The following ANK3 variants were observed in gnomAD, a reference collection of about 807,000 sequenced individuals.
ANK3 encodes ankyrin-3.
A neutral mutation model predicts 370.9 loss-of-function variants in ANK3; 57 were observed. The observed-to-expected ratio is 0.15, with a 90% CI of 0.12 to 0.19. ANK3 has a LOEUF of 0.19. ANK3 is among the 10% of genes least tolerant of loss of function. The pLI is 1.00. For missense variants in ANK3, 4,439 were observed against 5,302.1 expected (o/e 0.84, Z 5.06); for synonymous variants, 1,929 against 1,946.3 (o/e 0.99, Z 0.23).
intron 1 of ANK3, among the ~76,000 whole-genome samples, chr10:60,318,649 G>T (rs1310872715): frequency 1.3e-5 from 2 of 152,092 alleles, no homozygotes; most frequent in Non-Finnish European, 2.9e-5. Flanking sequence ...GAGGCCATTG[G>T]GGAGAGGAGG....
intron 2 of ANK3, among the ~76,000 whole-genome samples, chr10:60,464,107 A>G (rs1460505628): frequency 2.0e-5 from 3 of 152,214 alleles, no homozygotes; most frequent in Non-Finnish European, 2.9e-5. Context: ...TAAAGAAGAA[A>G]CAGCTCTAAG....
At position 60,724,083 on chromosome 10, in the gene ANK3, G is replaced by A. The variant is rs1382279297; in HGVS notation, c.57+9180C>T. On this transcript the variant is annotated intron_variant, in intron 1 of 43. Transcript: ENST00000373827. ...AAATTAGCCAGGTGTGGTGGCGGGCGCCTGTAGTCCCAGCTACTCGGGAGG... is the reference window on the plus strand; with the variant it reads ...AAATTAGCCAGGTGTGGTGGCGGGCACCTGTAGTCCCAGCTACTCGGGAGG... Among the ~76,000 whole-genome samples the A allele has an allele frequency of 4.6e-5, 6 of 129,448 alleles. 1 individual carries two copies. The highest frequency in any genetic ancestry group is 8.5e-5 in the Non-Finnish European group (5 of 59,132). The allele number at this position is 129,448 out of a possible 152,430, so 84.9% of individuals were successfully genotyped here. A position where few individuals can be genotyped will look rare whatever the true frequency, so the allele number is the denominator to read the frequency against.
chr10:60,277,508 T>C (rs766404815), intron 4 of ANK3, among the ~76,000 whole-genome samples: 2 of 152,250 alleles, frequency 1.3e-5, no homozygotes. Flanking sequence ...CACTTTTTAA[T>C]TTTCATAGCA....
intron 1 of ANK3, among the ~76,000 whole-genome samples, chr10:60,708,242 G>A (rs761483290): frequency 1.9e-4 from 29 of 152,290 alleles, no homozygotes; most frequent in Admixed American, 1.3e-3. Flanking sequence ...TTCCTTTGCT[G>A]CTGTAACAGG....
intron 1 of ANK3, among the ~76,000 whole-genome samples, chr10:60,348,158 C>T (rs1280046982): frequency 6.6e-6 from 1 of 151,894 alleles, no homozygotes; most frequent in Non-Finnish European, 1.5e-5. Flanking sequence ...CTTTAAAGGG[C>T]CAAAGGAGGC....
At chr10:60,083,871 A>G (rs2085940706) in intron 32 of ANK3, 1 of 300,658 alleles carries the variant, frequency 3.3e-6, no homozygotes, top group Admixed American at 5.1e-5. Context: ...AACTTTAAAA[A>G]TATTTAAGAA....
chr10:60,501,811 A>C (rs1459276835), intron 2 of ANK3, among the ~76,000 whole-genome samples: 2 of 151,776 alleles, frequency 1.3e-5, no homozygotes, highest in Non-Finnish European at 2.9e-5. Flanking sequence ...CCAAGTCTAC[A>C]AAAAAAAGGA....
chr10:60,398,089 T>C (rs1463308481), intron 2 of ANK3, among the ~76,000 whole-genome samples: 1 of 152,186 alleles, frequency 6.6e-6, no homozygotes, highest in Non-Finnish European at 1.5e-5. Context: ...TTGCACCTAA[T>C]GGACTCTGTG....
intron 13 of ANK3, among the ~76,000 whole-genome samples, chr10:60,199,170 T>A (rs2096633886): frequency 6.6e-6 from 1 of 152,108 alleles, no homozygotes; most frequent in Admixed American, 6.5e-5. Context: ...TCCCCTAGGG[T>A]CTTATCCCCA....
At chr10:60,305,760 C>G (rs2044892711) in intron 1 of ANK3, among the ~76,000 whole-genome samples, 1 of 152,156 alleles carries the variant, frequency 6.6e-6, no homozygotes, top group Non-Finnish European at 1.5e-5. Context: ...TCTCAAACTA[C>G]TGTCACTCAT....
At chr10:60,472,494 A>T (rs1479548346) in intron 2 of ANK3, among the ~76,000 whole-genome samples, 1 of 152,192 alleles carries the variant, frequency 6.6e-6, no homozygotes, top group Non-Finnish European at 1.5e-5. Context: ...AGTTCTGGAA[A>T]TGCTTGATTT....
chr10:60,454,621 G>T (rs762476049), intron 2 of ANK3, among the ~76,000 whole-genome samples: 2 of 152,108 alleles, frequency 1.3e-5, no homozygotes, highest in Non-Finnish European at 2.9e-5. Flanking sequence ...CCACCCTTTG[G>T]CTCTGCCTGA....
intron 1 of ANK3, among the ~76,000 whole-genome samples, chr10:60,294,431 G>C (rs2042090442): frequency 2.0e-5 from 3 of 152,108 alleles, no homozygotes; most frequent in Admixed American, 6.6e-5. Flanking sequence ...TAAAATGTTG[G>C]CCACCAGCTG....
intron 23 of ANK3, chr10:60,140,344 G>A: frequency 6.2e-7 from 1 of 1,613,690 alleles, no homozygotes; most frequent in Non-Finnish European, 8.5e-7. Context: ...ACAACTCAAA[G>A]ATCTTACTCT....
intron 8 of ANK3, among the ~76,000 whole-genome samples, chr10:60,233,572 T>C (rs905489637): frequency 1.3e-5 from 2 of 152,140 alleles, no homozygotes; most frequent in South Asian, 2.1e-4. Flanking sequence ...GCCAAGACTA[T>C]AAGTGCATGC....
At chr10:60,459,351 T>C (rs1174592067) in intron 2 of ANK3, among the ~76,000 whole-genome samples, 1 of 152,162 alleles carries the variant, frequency 6.6e-6, no homozygotes, top group East Asian at 1.9e-4. Flanking sequence ...CCCTGTATGA[T>C]CTGGCAGGTC....
At chr10:60,391,521 C>T (rs1221528728), upstream of ANK3, among the ~76,000 whole-genome samples, 2 of 152,110 alleles carry the variant, frequency 1.3e-5, no homozygotes, top group Non-Finnish European at 2.9e-5. Flanking sequence ...CAATATAAAT[C>T]GTCTTATACT....
chr10:60,278,731 T>C, intron 4 of ANK3, 43 bp downstream of exon 4: 1 of 1,498,048 alleles, frequency 6.7e-7, no homozygotes, highest in South Asian at 1.1e-5. Flanking sequence ...ACATTGTTTG[T>C]AAATGATAAC....
chr10:60,121,523 C>A (rs956944939), intron 25 of ANK3, among the ~76,000 whole-genome samples: 5 of 151,766 alleles, frequency 3.3e-5, no homozygotes, highest in African/African-American at 1.2e-4. Context: ...AAAATTCCAT[C>A]TCTATAAAAA....
Sources: allele counts gnomAD v4.1 joint callset (sites outside exome capture counted in the v4.1 genomes callset), GRCh38; gene constraint gnomAD v4.1.1; transcripts MANE v1.5; gene names NCBI Gene and HGNC (gene_info 2026-07-23, HGNC 2026-07-21).